PXDN: variants seen among roughly 807,000 people sequenced by gnomAD.
The protein encoded by PXDN is peroxidasin.
Under a neutral mutation model 140.3 loss-of-function variants are expected in PXDN, and 77 were observed. The observed-to-expected ratio is 0.55, with a 90% CI of 0.46 to 0.66. The LOEUF is 0.66. Among genes scored for constraint, PXDN ranks in the 30% least tolerant of loss-of-function variants. The pLI is 0.00. For missense variants in PXDN, 1,838 were observed against 2,039.5 expected, an observed-to-expected ratio of 0.90 and a Z score of 1.90; for synonymous variants, 911 against 857.4, an observed-to-expected ratio of 1.06 and a Z score of -1.09.
At chr2:1,636,655 G>T (rs982175771) in intron 21 of PXDN, 1 of 140,984 alleles carries the variant, frequency 7.1e-6, no homozygotes, top group Non-Finnish European at 1.5e-5. Context: ...TGGCACTTAA[G>T]TTATCAAAGC....
At chr2:1,673,548 T>C in intron 9 of PXDN, 95 bp downstream of exon 9, 1 of 1,462,930 alleles carries the variant, frequency 6.8e-7, no homozygotes, top group Admixed American at 2.0e-5. Flanking sequence ...GACTTCAATG[T>C]TCATTCTTAT....
At chr2:1,723,530 GGTTGA>G (rs1685103510) in intron 1 of PXDN, among the ~76,000 whole-genome samples, 1 of 152,082 alleles carries the variant, frequency 6.6e-6, no homozygotes, top group Admixed American at 6.6e-5. Context: ...AAGAATAGAT[GGTTGA>G]GTTGTTATGG....
At chr2:1,692,667 C>T in intron 2 of PXDN, 1 of 467,090 alleles carries the variant, frequency 2.1e-6, no homozygotes, top group Non-Finnish European at 4.4e-6. Context: ...TGCCTTGAAC[C>T]CTCACTTAAG....
Position 1,639,117 on chromosome 2 carries a change from G to A in PXDN, c.4074-139C>T, listed in dbSNP as rs543374458. 9.6e-5 allele frequency: 94 copies of A among 980,344 alleles called. No homozygotes were observed. In the African/African-American group the frequency reaches 1.6e-3, roughly 17 times the overall value. 60.7% of individuals were successfully genotyped at this position (980,344 alleles called of 1,614,324 possible). ...TTTCAAGGTTTCCTGGGTGTGCACC[G>A]CCCCTGATGCTCTGAGTGGGCAGCA... is the stretch of plus-strand genomic sequence containing the variant. On this transcript the variant is annotated intron_variant, in intron 20 of 22. Coordinates refer to ENST00000252804, the MANE Select transcript of PXDN (RefSeq NM_012293.3). The surrounding 1 kb of genome is among the most constrained non-coding windows in gnomAD (Gnocchi z 5.0).
chr2:1,686,144 T>C (rs10170895), intron 4 of PXDN, among the ~76,000 whole-genome samples: 101,963 of 152,100 alleles, frequency 0.67, 34,962 homozygotes, highest in East Asian at 0.91. Flanking sequence ...TCCCTGGACA[T>C]ACAGCCCTTT....
chr2:1,712,760 T>C (rs898028940), intron 1 of PXDN, among the ~76,000 whole-genome samples: 6 of 152,172 alleles, frequency 3.9e-5, no homozygotes, highest in African/African-American at 1.2e-4. Context: ...GTTTTGCTCT[T>C]GTTGCCCAGG....
intron 1 of PXDN, among the ~76,000 whole-genome samples, chr2:1,693,570 C>T (rs182959961): frequency 1.3e-5 from 2 of 152,308 alleles, no homozygotes; most frequent in South Asian, 2.1e-4. Context: ...CCTTAGTCAA[C>T]GACCTAAACT....
intron 1 of PXDN, among the ~76,000 whole-genome samples, chr2:1,726,312 G>A (rs991327770): frequency 6.6e-6 from 1 of 150,916 alleles, no homozygotes; most frequent in African/African-American, 2.4e-5. Context: ...ATCATTCTCA[G>A]TAAACTATCG....
At chr2:1,735,120 A>G (rs1331881660) in intron 1 of PXDN, among the ~76,000 whole-genome samples, 60 of 152,288 alleles carry the variant, frequency 3.9e-4, no homozygotes, top group Non-Finnish European at 1.5e-5. Context: ...TCATATCTTC[A>G]GACTCCATTT....
intron 5 of PXDN, 28 bp downstream of exon 5, chr2:1,684,052 G>C (rs773377074): frequency 7.1e-6 from 11 of 1,553,840 alleles, no homozygotes; most frequent in Non-Finnish European, 9.6e-6. Context: ...TCTGTGAATG[G>C]AAAGGCAAGG....
Position 1,651,495 on chromosome 2 carries a change from T to C in PXDN, c.2105-1820A>G. Among the ~76,000 whole-genome samples, 1 of 152,200 alleles carries C rather than the reference T, an allele frequency of 6.6e-6. No homozygotes were observed. Among genetic ancestry groups the C allele is most frequent in the East Asian group, 1.9e-4 (1 of 5,194 alleles). The stretch of plus-strand genomic sequence containing the variant: ...AGGAAACCCTAAGGTTCCCATTTCA[T>C]ACACAGCCAACGACATATCCTTATA... On this transcript the variant is annotated intron_variant, in intron 16 of 22. Transcript: ENST00000252804. The surrounding 1 kb of genome is among the most constrained non-coding windows in gnomAD (Gnocchi z 4.4).
chr2:1,645,157 G>C (rs995799573), intron 17 of PXDN, among the ~76,000 whole-genome samples: 1 of 152,060 alleles, frequency 6.6e-6, no homozygotes, highest in Non-Finnish European at 1.5e-5. Flanking sequence ...TATTGTTCAT[G>C]TGTATTTTTA....
chr2:1,691,682 C>G lies in PXDN; in HGVS notation c.344+246G>C, dbSNP rs78401881. Among the ~76,000 whole-genome samples the G allele has an allele frequency of 8.2e-3, 1,249 of 152,276 alleles. 18 individuals are homozygous for G. The highest frequency in any genetic ancestry group is 0.029 in the African/African-American group (1,206 of 41,544). ...GCGATTTTCAGAGGCTGTGCATTTTCATTTTATGCAATCCACTTTACTAAG... is the reference window on the plus strand; with the variant it reads ...GCGATTTTCAGAGGCTGTGCATTTTGATTTTATGCAATCCACTTTACTAAG... On this transcript the variant is annotated intron_variant, in intron 3 of 22. Coordinates refer to ENST00000252804, the MANE Select transcript of PXDN (RefSeq NM_012293.3).
In PXDN at chr2:1,685,475, C is replaced by T. The variant is rs1684031337; in HGVS notation, c.417-1324G>A. Among the ~76,000 whole-genome samples the T allele has an allele frequency of 1.3e-5, 2 of 152,096 alleles. No individual in the cohort carries two copies. Among genetic ancestry groups the T allele is most frequent in the South Asian group, 4.1e-4 (2 of 4,826 alleles). The stretch of plus-strand genomic sequence containing the variant: ...CTGGGGTCCTTGGCCTTTCACAGCC[C>T]ATGGCAGCTGGGGACCGATGTAAGA... On this transcript the variant is annotated intron_variant, in intron 4 of 22. Transcript: ENST00000252804. The surrounding 1 kb of genome is among the most constrained non-coding windows in gnomAD (Gnocchi z 5.1).
chr2:1,689,289 G>T (rs1183346540), intron 3 of PXDN, among the ~76,000 whole-genome samples: 1 of 152,086 alleles, frequency 6.6e-6, no homozygotes, highest in African/African-American at 2.4e-5. Flanking sequence ...TCTACAGAAG[G>T]CAAGTTTAAA....
intron 1 of PXDN, among the ~76,000 whole-genome samples, chr2:1,733,731 G>C (rs1685363047): frequency 9.5e-6 from 1 of 104,732 alleles, no homozygotes; most frequent in African/African-American, 3.8e-5. Context: ...AACAGAGCAA[G>C]ATTCTGTGTC....
rs932071690 is a variant in PXDN, at chr2:1,692,421, C to T, written c.273-422G>A. ...CCCTGTGGCCCGTGCTCCATTCGAGCGCACAGACAAGGGCCTGGGGTGAGA... is the reference window on the plus strand; with the variant it reads ...CCCTGTGGCCCGTGCTCCATTCGAGTGCACAGACAAGGGCCTGGGGTGAGA... On this transcript the variant is annotated intron_variant, in intron 2 of 22. Transcript: ENST00000252804. 25 of 451,556 alleles carry T rather than the reference C, an allele frequency of 5.5e-5. No homozygotes were observed. In the East Asian group the frequency reaches 1.5e-3, roughly 27 times the overall value. The allele number at this position is 451,556 out of a possible 1,614,324, so 28.0% of individuals were successfully genotyped here.
At chr2:1,638,357 A>G (rs939220828) in intron 21 of PXDN, among the ~76,000 whole-genome samples, 1 of 152,154 alleles carries the variant, frequency 6.6e-6, no homozygotes, top group Non-Finnish European at 1.5e-5. Context: ...AGAGCGCCAG[A>G]GAAGAGCCCC....
chr2:1,675,364 G>A (rs572361639), intron 8 of PXDN, among the ~76,000 whole-genome samples: 55 of 152,238 alleles, frequency 3.6e-4, no homozygotes, highest in Non-Finnish European at 7.2e-4. Context: ...CAATTTTTTC[G>A]TATATAAAAT....
Sources: allele counts gnomAD v4.1 joint callset (sites outside exome capture counted in the v4.1 genomes callset), GRCh38; gene constraint gnomAD v4.1.1; non-coding constraint Gnocchi (gnomAD v3.1); transcripts MANE v1.5; gene names NCBI Gene and HGNC (gene_info 2026-07-23, HGNC 2026-07-21).